LPP: variants seen among roughly 807,000 people sequenced by gnomAD.
The protein encoded by LPP is LIM domain containing preferred translocation partner in lipoma.
In LPP, 38 loss-of-function variants were observed where a neutral mutation model predicts 60.4. The ratio of observed to expected loss-of-function variants is 0.63; its 90% CI spans 0.49 to 0.83. The LOEUF (loss-of-function observed/expected upper bound fraction) is 0.83, where lower values mean the gene tolerates loss of function less well. LPP is among the 40% of genes least tolerant of loss of function. The probability of loss-of-function intolerance (pLI) is 0.00; values close to 1 mark genes in which losing one functional copy is unlikely to be tolerated. For synonymous variants in LPP, 328 were observed against 290.8 expected, an observed-to-expected ratio of 1.13 and a Z score of -1.30; for missense variants, 902 against 783.6, an observed-to-expected ratio of 1.15 and a Z score of -1.80.
intron 4 of LPP, among the ~76,000 whole-genome samples, chr3:188,428,697 C>T (rs1790136123): frequency 6.6e-6 from 1 of 151,292 alleles, no homozygotes; most frequent in African/African-American, 2.4e-5. Flanking sequence ...GTTTTTCAGG[C>T]TTATATTGAG....
intron 6 of LPP, among the ~76,000 whole-genome samples, chr3:188,585,127 C>T (rs190819569): frequency 3.1e-3 from 475 of 152,262 alleles, no homozygotes; most frequent in Non-Finnish European, 5.3e-3. Context: ...GTCAATCACA[C>T]GGCATAATCT....
Position 188,886,285 on chromosome 3 carries a change from A to T in LPP, c.*11806A>T, listed in dbSNP as rs1449331130. On this transcript the variant is annotated 3_prime_UTR_variant, in exon 12 of 12. Coordinates refer to ENST00000617246, the MANE Select transcript of LPP (RefSeq NM_001375462.1). The stretch of plus-strand genomic sequence containing the variant: ...CCTGCACATTGTGCACATGTACCCT[A>T]AAACTTAAAGTATAATAATAATGAA... 1 of 162,628 alleles carries T rather than the reference A, an allele frequency of 6.1e-6. No homozygotes were observed. Among genetic ancestry groups the T allele is most frequent in the Non-Finnish European group, 1.3e-5 (1 of 74,574 alleles). 10.1% of individuals were successfully genotyped at this position (162,628 alleles called of 1,614,324 possible).
At chr3:188,575,346 CTTAT>C (rs536144906) in intron 6 of LPP, among the ~76,000 whole-genome samples, 12 of 152,186 alleles carry the variant, frequency 7.9e-5, no homozygotes, top group Admixed American at 2.6e-4. Flanking sequence ...CTGTCATAGT[CTTAT>C]TTATTTATTT....
At chr3:188,445,138 T>A (rs1794918181) in intron 4 of LPP, among the ~76,000 whole-genome samples, 1 of 152,188 alleles carries the variant, frequency 6.6e-6, no homozygotes, top group Admixed American at 6.5e-5. Context: ...CATTACTGGA[T>A]GTATACCCAA....
rs140430142 is a variant in LPP at position 188,453,543 on chromosome 3, T to C, written c.194-31049T>C. 2.3e-3 allele frequency among the ~76,000 whole-genome samples: 344 copies of C among 152,144 alleles called. 3 individuals are homozygous for C. The highest frequency in any genetic ancestry group is 7.9e-3 in the African/African-American group (328 of 41,518). The stretch of plus-strand genomic sequence containing the variant: ...TCTGCTTGTCTCACCTCAGCGCCAG[T>C]TGCTTCCCTTTACAATCTCTTTGCT... On this transcript the variant is annotated intron_variant, in intron 4 of 11. Coordinates refer to ENST00000617246, the MANE Select transcript of LPP (RefSeq NM_001375462.1).
chr3:188,624,449 C>T (rs963886120), intron 7 of LPP, among the ~76,000 whole-genome samples: 30 of 152,160 alleles, frequency 2.0e-4, no homozygotes, highest in Non-Finnish European at 4.0e-4. Flanking sequence ...CAAAAACTGT[C>T]GTTCTTGAAA....
At chr3:188,848,268 T>C (rs1417431367) in intron 9 of LPP, among the ~76,000 whole-genome samples, 1 of 152,162 alleles carries the variant, frequency 6.6e-6, no homozygotes, top group African/African-American at 2.4e-5. Flanking sequence ...CCTCGAGTCT[T>C]GTCTTATGAG....
At chr3:188,349,707 T>C (rs1344459928) in intron 3 of LPP, among the ~76,000 whole-genome samples, 2 of 152,214 alleles carry the variant, frequency 1.3e-5, no homozygotes, top group Non-Finnish European at 2.9e-5. Flanking sequence ...ATGGCACGTA[T>C]GGAGACTTTG....
chr3:188,801,498 T>C (rs968526796), intron 9 of LPP, among the ~76,000 whole-genome samples: 1 of 152,208 alleles, frequency 6.6e-6, no homozygotes, highest in African/African-American at 2.4e-5. Flanking sequence ...ATTTAGTCCA[T>C]AGATGATGCA....
intron 5 of LPP, among the ~76,000 whole-genome samples, chr3:188,509,802 C>T (rs1284323183): frequency 4.0e-5 from 6 of 151,214 alleles, no homozygotes; most frequent in Non-Finnish European, 5.9e-5. Flanking sequence ...AAGCGATTCT[C>T]CTGTTTCAGC....
chr3:188,754,560 C>G (rs1427349830), intron 8 of LPP, among the ~76,000 whole-genome samples: 1 of 152,132 alleles, frequency 6.6e-6, no homozygotes, highest in Admixed American at 6.6e-5. Context: ...CTTGACTCAA[C>G]ATAGAATCAC....
rs1036603664 is a variant in LPP, at chr3:188,568,507, G to A, written c.430-40654G>A. 2.0e-5 allele frequency: 3 copies of A among 151,924 alleles called. 1 individual carries two copies. Among genetic ancestry groups the A allele is most frequent in the Admixed American group, 2.0e-4 (3 of 15,216 alleles). The allele number at this position is 151,924 out of a possible 1,614,324, so 9.4% of individuals were successfully genotyped here. On this transcript the variant is annotated intron_variant, in intron 6 of 11. Coordinates refer to ENST00000617246, the MANE Select transcript of LPP (RefSeq NM_001375462.1). ...AGATTGACAATAGTTATACAAAACT[G>A]AGCCTGTCACAAAATGTGTATCGAC...
At chr3:188,864,636 T>C (rs1045145674) in intron 9 of LPP, among the ~76,000 whole-genome samples, 1 of 152,224 alleles carries the variant, frequency 6.6e-6, no homozygotes, top group Admixed American at 6.5e-5. Context: ...GCCTGTACCC[T>C]GAAAGGTCAA....
chr3:188,400,458 C>T lies in LPP; in HGVS notation c.-9-5654C>T, dbSNP rs947880513. On this transcript the variant is annotated intron_variant, in intron 3 of 11. Coordinates refer to ENST00000617246, the MANE Select transcript of LPP (RefSeq NM_001375462.1). ...TGACTGTGTGGCCATTGAAAATTTG[C>T]TAGACATATAATAAACCTTCAATAA... Among the ~76,000 whole-genome samples the T allele has an allele frequency of 2.0e-5, 3 of 152,274 alleles. No individual in the cohort carries two copies. The East Asian group carries it at 5.8e-4, about 29-fold the overall frequency.
intron 5 of LPP, among the ~76,000 whole-genome samples, chr3:188,522,449 A>G (rs1819142330): frequency 6.6e-6 from 1 of 152,150 alleles, no homozygotes; most frequent in African/African-American, 2.4e-5. Flanking sequence ...TTTACCCAAA[A>G]GATAGTGCTA....
intron 8 of LPP, among the ~76,000 whole-genome samples, chr3:188,753,809 A>G (rs1729043419): frequency 6.6e-6 from 1 of 151,918 alleles, no homozygotes; most frequent in Admixed American, 6.6e-5. Context: ...TTGTAGAGGG[A>G]AAAACAAGAG....
In LPP at chr3:188,883,576, T is replaced by G. The variant is rs1770303286; in HGVS notation, c.*9097T>G. 5.6e-6 allele frequency: 1 copy of G among 179,258 alleles called. No individual in the cohort carries two copies. The highest frequency in any genetic ancestry group is 1.2e-5 in the Non-Finnish European group (1 of 84,048). 11.1% of individuals were successfully genotyped at this position (179,258 alleles called of 1,614,324 possible). On this transcript the variant is annotated 3_prime_UTR_variant, in exon 12 of 12. Coordinates refer to ENST00000617246, the MANE Select transcript of LPP (RefSeq NM_001375462.1). ...GAAACCCCGACTCTACTAAAAAAAA[T>G]ACAAAAATTAGCCGGGCGTGTTGGC...
At chr3:188,668,072 G>T (rs1256463264) in intron 7 of LPP, among the ~76,000 whole-genome samples, 1 of 151,828 alleles carries the variant, frequency 6.6e-6, no homozygotes, top group Non-Finnish European at 1.5e-5. Context: ...TGCTAGTCCT[G>T]CTGTTGCTTG....
At chr3:188,671,075 C>T (rs1448740199) in intron 7 of LPP, among the ~76,000 whole-genome samples, 5 of 152,192 alleles carry the variant, frequency 3.3e-5, no homozygotes, top group Non-Finnish European at 7.3e-5. Context: ...TCTCTACGTT[C>T]TAAAATCTTT....
Sources: gnomAD v4.1 joint callset for allele counts (sites outside exome capture counted in the v4.1 genomes callset) on GRCh38, gnomAD v4.1.1 for gene constraint, MANE v1.5 for transcripts, NCBI Gene and HGNC (gene_info 2026-07-23, HGNC 2026-07-21) for gene names.